The following CD28 variants were observed in gnomAD, a reference collection of about 807,000 sequenced individuals.
The protein encoded by CD28 is CD28 molecule.
A neutral mutation model predicts 21.4 loss-of-function variants in CD28; 8 were observed. The observed-to-expected ratio is 0.37, with a 90% CI of 0.22 to 0.68. The LOEUF is 0.68. CD28 is among the 30% of genes least tolerant of loss of function. CD28 has a pLI of 0.55. For missense variants in CD28, 239 were observed against 272.2 expected, an observed-to-expected ratio of 0.88 and a Z score of 0.86; for synonymous variants, 106 against 104.0, an observed-to-expected ratio of 1.02 and a Z score of -0.12.
chr2:203,716,271 GA>G (rs1193124025), intron 1 of CD28, among the ~76,000 whole-genome samples: 4 of 152,128 alleles, frequency 2.6e-5, no homozygotes, highest in Non-Finnish European at 5.9e-5. Context: ...AGCTAAATGT[GA>G]AGTCTCTACA....
At position 203,719,100 on chromosome 2, in the gene CD28, A is replaced by G. The variant is rs150048633; in HGVS notation, c.53-7533A>G. ...TTTTTCTAGATATGAGCATGAAATA[A>G]ATTCAGTCTTGCTGAATGAACAAAG... On this transcript the variant is annotated intron_variant, in intron 1 of 3. Coordinates refer to ENST00000324106, the MANE Select transcript of CD28 (RefSeq NM_006139.4). 3.9e-3 allele frequency among the ~76,000 whole-genome samples: 596 copies of G among 152,348 alleles called. 3 individuals carry two copies. Among genetic ancestry groups the G allele is most frequent in the Non-Finnish European group, 6.4e-3 (434 of 68,034 alleles).
chr2:203,724,794 A>G (rs116609558), intron 1 of CD28, among the ~76,000 whole-genome samples: 1,824 of 152,360 alleles, frequency 0.012, 34 homozygotes, highest in African/African-American at 0.042. Flanking sequence ...ATTCAAATTC[A>G]GTTAAATTGT....
rs1694086649 is a variant in CD28, at chr2:203,738,128, C to T, written c.*3216C>T. 6.6e-6 allele frequency: 1 copy of T among 152,148 alleles called. No homozygotes were observed. The highest frequency in any genetic ancestry group is 1.5e-5 in the Non-Finnish European group (1 of 68,034). The allele number at this position is 152,148 out of a possible 1,614,324, so 9.4% of individuals were successfully genotyped here. Reference sequence around the variant, plus strand: ...CTTTGAGATGTCAGGCTAGGCTTACCTATGTGTTCTGTGTCATGTGAATGC... The same window carrying T: ...CTTTGAGATGTCAGGCTAGGCTTACTTATGTGTTCTGTGTCATGTGAATGC... On this transcript the variant is annotated 3_prime_UTR_variant, in exon 4 of 4. Transcript: ENST00000324106.
intron 3 of CD28, among the ~76,000 whole-genome samples, chr2:203,734,381 C>A (rs577054302): frequency 7.2e-4 from 109 of 152,240 alleles, no homozygotes; most frequent in African/African-American, 2.6e-3. Context: ...AAGTCCTCTT[C>A]GGTTAATTAT....
At chr2:203,729,821 A>C (rs765810827) in intron 3 of CD28, 49 bp downstream of exon 3, 2 of 1,584,222 alleles carry the variant, frequency 1.3e-6, no homozygotes, top group Non-Finnish European at 1.7e-6. Context: ...TGCACATGAA[A>C]TCTGAACACA....
chr2:203,722,371 C>T (rs1335687671), intron 1 of CD28, among the ~76,000 whole-genome samples: 1 of 152,166 alleles, frequency 6.6e-6, no homozygotes, highest in Non-Finnish European at 1.5e-5. Context: ...TAAGACAGGT[C>T]GAACTTTTTG....
chr2:203,708,539 C>T lies in CD28; in HGVS notation c.52+1791C>T, dbSNP rs145267810. ...CACCTATCTGTCATCAACTTATTCA[C>T]TCTCTTTTGAAGAGTTTTTGGTAAG... On this transcript the variant is annotated intron_variant, in intron 1 of 3. Coordinates refer to ENST00000324106, the MANE Select transcript of CD28 (RefSeq NM_006139.4). 6.5e-3 allele frequency among the ~76,000 whole-genome samples: 994 copies of T among 152,320 alleles called. 6 individuals are homozygous for T. Among genetic ancestry groups the T allele is most frequent in the Middle Eastern group, 0.051 (15 of 294 alleles).
chr2:203,733,423 T>TA lies in CD28; in HGVS notation c.535-1351dup, dbSNP rs201945254. 7.6e-3 allele frequency among the ~76,000 whole-genome samples: 1,132 copies of TA among 148,922 alleles called. 12 individuals are homozygous for TA. The highest frequency in any genetic ancestry group is 0.025 in the African/African-American group (1,006 of 40,630). On this transcript the variant is annotated intron_variant, in intron 3 of 3. Transcript: ENST00000324106. Reference sequence around the variant, plus strand: ...CATTCACTCAGATGAGAAACACTGGTAAAAAAAAAACAGCATTTGGGGGAA... The same window carrying TA: ...CATTCACTCAGATGAGAAACACTGGTAAAAAAAAAAACAGCATTTGGGGGAA...
chr2:203,714,404 G>C (rs1009373270), intron 1 of CD28, among the ~76,000 whole-genome samples: 1 of 152,098 alleles, frequency 6.6e-6, no homozygotes. Flanking sequence ...TTCCAGTCAG[G>C]GATGTTAATC....
At chr2:203,724,101 CATT>C (rs1306027989) in intron 1 of CD28, among the ~76,000 whole-genome samples, 6 of 152,076 alleles carry the variant, frequency 3.9e-5, no homozygotes, top group African/African-American at 1.4e-4. Context: ...AACTTGAAAA[CATT>C]ATGCTAAGTG....
At chr2:203,730,286 T>C (rs943073569) in intron 3 of CD28, among the ~76,000 whole-genome samples, 8 of 152,300 alleles carry the variant, frequency 5.3e-5, no homozygotes, top group South Asian at 2.1e-4. Flanking sequence ...TTGAATTGTG[T>C]GAGGCCAAGT....
At chr2:203,729,898 G>T (rs935653254) in intron 3 of CD28, 126 bp downstream of exon 3, 1 of 926,370 alleles carries the variant, frequency 1.1e-6, no homozygotes, top group African/African-American at 1.7e-5. Flanking sequence ...TTTTCCCCAT[G>T]CTTGAGTAGG....
At chr2:203,726,544 T>C (rs1693753169) in intron 1 of CD28, 89 bp from the exon 2 acceptor site, 2 of 886,136 alleles carry the variant, frequency 2.3e-6, no homozygotes, top group South Asian at 1.6e-5. Flanking sequence ...TGGAGATCTG[T>C]TCATTTAGTT....
Position 203,737,912 on chromosome 2 carries a change from G to A in CD28, c.*3000G>A, listed in dbSNP as rs144971095. ...TATGCTTTCAGAATAGATATGCTTC[G>A]CTTTGGCAAGGAATTTGGATAGAAC... On this transcript the variant is annotated 3_prime_UTR_variant, in exon 4 of 4. Coordinates refer to ENST00000324106, the MANE Select transcript of CD28 (RefSeq NM_006139.4). The A allele has an allele frequency of 0.014, 2,109 of 152,468 alleles. 26 individuals are homozygous for A. Among genetic ancestry groups the A allele is most frequent in the Middle Eastern group, 0.027 (8 of 294 alleles). 9.4% of individuals were successfully genotyped at this position (152,468 alleles called of 1,614,324 possible).
At chr2:203,726,493 C>A in intron 1 of CD28, 140 bp from the exon 2 acceptor site, 1 of 635,866 alleles carries the variant, frequency 1.6e-6, no homozygotes, top group Non-Finnish European at 2.8e-6. Flanking sequence ...TAATTATCCC[C>A]TGAAGAGGTC....
At chr2:203,713,867 G>C (rs1412387076) in intron 1 of CD28, among the ~76,000 whole-genome samples, 1 of 147,092 alleles carries the variant, frequency 6.8e-6, no homozygotes, top group African/African-American at 2.5e-5. Flanking sequence ...GAGAGAGAGA[G>C]AGAGAGAGAC....
At position 203,737,114 on chromosome 2, in the gene CD28, A is replaced by T. The variant is rs200608151; in HGVS notation, c.*2202A>T. 2 of 152,160 alleles carry T rather than the reference A, an allele frequency of 1.3e-5. No homozygotes were observed. 9.4% of individuals were successfully genotyped at this position (152,160 alleles called of 1,614,324 possible). The stretch of plus-strand genomic sequence containing the variant: ...GAAATATAAGGCACCTCCCACTTTT[A>T]TGTATAGAAAGAGGTCTTTTAATTT... On this transcript the variant is annotated 3_prime_UTR_variant, in exon 4 of 4. Coordinates refer to ENST00000324106, the MANE Select transcript of CD28 (RefSeq NM_006139.4).
rs1693834378 is a variant in CD28 at position 203,729,548 on chromosome 2, A to ATT, written c.410-96_410-95dup. On this transcript the variant is annotated intron_variant, in intron 2 of 3. Transcript: ENST00000324106. ...ACTCTAAGCTGGTGATATGTTTAAT[A>ATT]TTTTTATTTCTTTCACATTTTTCTC... The ATT allele has an allele frequency of 2.4e-6, 3 of 1,255,058 alleles. No homozygotes were observed. In the African/African-American group the frequency reaches 4.5e-5, roughly 19 times the overall value. 77.7% of individuals were successfully genotyped at this position (1,255,058 alleles called of 1,614,324 possible). A position where few individuals can be genotyped will look rare whatever the true frequency, so the allele number is the denominator to read the frequency against.
intron 1 of CD28, 31 bp from the exon 2 acceptor site, chr2:203,726,602 G>A: frequency 6.6e-7 from 1 of 1,517,484 alleles, no homozygotes. Flanking sequence ...TTATATTCTT[G>A]TTCTAAGCAA....
Sources: gnomAD v4.1 joint callset for allele counts (sites outside exome capture counted in the v4.1 genomes callset) on GRCh38, gnomAD v4.1.1 for gene constraint, MANE v1.5 for transcripts, NCBI Gene and HGNC (gene_info 2026-07-23, HGNC 2026-07-21) for gene names.